ZNF175: variants seen among roughly 807,000 people sequenced by gnomAD.
The protein encoded by ZNF175 is zinc finger protein OTK18.
Under a neutral mutation model 14.0 loss-of-function variants are expected in ZNF175, and 8 were observed. That is an observed-to-expected ratio of 0.57 (90% CI 0.34 to 1.03). ZNF175 has a LOEUF of 1.03. ZNF175 is among the 50% of genes least tolerant of loss of function. The pLI is 0.03. For synonymous variants in ZNF175, 255 were observed against 296.8 expected, an observed-to-expected ratio of 0.86 and a Z score of 1.45; for missense variants, 764 against 849.5, an observed-to-expected ratio of 0.90 and a Z score of 1.25.
At chr19:51,579,236 G>C (rs1981914011) in intron 2 of ZNF175, among the ~76,000 whole-genome samples, 1 of 118,104 alleles carries the variant, frequency 8.5e-6, no homozygotes, top group Non-Finnish European at 1.6e-5. Flanking sequence ...CTTAGTGACA[G>C]AGTAGACTCC....
At chr19:51,579,896 C>G (rs1045222983) in intron 2 of ZNF175, among the ~76,000 whole-genome samples, 1 of 152,000 alleles carries the variant, frequency 6.6e-6, no homozygotes, top group Non-Finnish European at 1.5e-5. Flanking sequence ...AAAATATATG[C>G]TGACTTCTGA....
rs1982206582 is a variant in ZNF175 at position 51,587,467 on chromosome 19, T to C, written c.1136T>C (p.Phe379Ser). The change falls in exon 5 of 5, where the codon TTC becomes TCC. Residue 379 changes from phenylalanine (F) to serine (S), a missense_variant. Coordinates refer to ENST00000262259, the MANE Select transcript of ZNF175 (RefSeq NM_007147.4). ...GKAFFQMLSL[F>S]RHQRTHSREK... ...GCCTTTTTCCAGATGTTATCTCTCT[T>C]CAGACATCAGAGAACTCACAGTAGA... 1.2e-6 allele frequency: 2 copies of C among 1,614,192 alleles called. No homozygotes were observed. The highest frequency in any genetic ancestry group is 1.7e-6 in the Non-Finnish European group (2 of 1,180,028).
rs369470286 is a variant in ZNF175, at chr19:51,576,152, G to GTT, written c.72+2765_72+2766dup. On this transcript the variant is annotated intron_variant, in intron 2 of 4. Transcript: ENST00000262259. ...TATTTCAGGGACAGTTTTTTTTTTTGTTTTTTTTTTTTTTTGAGACAGAGT... is the reference window on the plus strand; with the variant it reads ...TATTTCAGGGACAGTTTTTTTTTTTGTTTTTTTTTTTTTTTTTGAGACAGAGT... 6.2e-3 allele frequency among the ~76,000 whole-genome samples: 812 copies of GTT among 130,960 alleles called. 8 individuals are homozygous for GTT. The highest frequency in any genetic ancestry group is 0.025 in the Middle Eastern group (6 of 242). The allele number at this position is 130,960 out of a possible 152,430, so 85.9% of individuals were successfully genotyped here.
intron 2 of ZNF175, among the ~76,000 whole-genome samples, chr19:51,576,241 C>G (rs565275065): frequency 1.3e-5 from 2 of 151,508 alleles, no homozygotes; most frequent in South Asian, 2.1e-4. Context: ...ACCTCTCCTC[C>G]TGGGTTCAAG....
At chr19:51,575,774 C>T (rs868650610) in intron 2 of ZNF175, among the ~76,000 whole-genome samples, 4 of 152,100 alleles carry the variant, frequency 2.6e-5, no homozygotes, top group Non-Finnish European at 5.9e-5. Context: ...TTAATTAACA[C>T]GTTAATTAAT....
chr19:51,573,028 G>C lies in ZNF175; in HGVS notation c.-180-122G>C, dbSNP rs891084092. 8 of 365,614 alleles carry C rather than the reference G, an allele frequency of 2.2e-5. No individual in the cohort carries two copies. The South Asian group carries it at 3.9e-4, about 18-fold the overall frequency. The allele number at this position is 365,614 out of a possible 1,614,324, so 22.6% of individuals were successfully genotyped here. A position where few individuals can be genotyped will look rare whatever the true frequency, so the allele number is the denominator to read the frequency against. On this transcript the variant is annotated intron_variant, in intron 1 of 4. Transcript: ENST00000262259. ...TTTTTAACCCTGACTAATAACTAGA[G>C]TTGGGCTTTCTGAACTTTGTCTACT...
At position 51,588,010 on chromosome 19, in the gene ZNF175, A is replaced by G; in HGVS notation, c.1679A>G (p.Lys560Arg). The G allele has an allele frequency of 6.2e-7, 1 of 1,613,500 alleles. No homozygotes were observed. The highest frequency in any genetic ancestry group is 8.5e-7 in the Non-Finnish European group (1 of 1,179,812). The change falls in exon 5 of 5, where the codon AAA (lysine) becomes AGA (arginine). Residue 560 changes from lysine to arginine, a missense_variant. Transcript: ENST00000262259. ...ATTCACACCGGAGAGAAGCCTTACAAATGCAGTGAATGTGGGAAAGCCTTC... is the reference window on the plus strand; with the variant it reads ...ATTCACACCGGAGAGAAGCCTTACAGATGCAGTGAATGTGGGAAAGCCTTC... ...QRIHTGEKPY[K>R]CSECGKAFTS...
chr19:51,572,084 G>A (rs1309676192), intron 1 of ZNF175, among the ~76,000 whole-genome samples: 2 of 152,184 alleles, frequency 1.3e-5, no homozygotes, highest in Admixed American at 1.3e-4. Flanking sequence ...ATTGACAGTT[G>A]AGCACATCGA....
rs555268032 is a variant in ZNF175, at chr19:51,571,320, A to G, written c.-336A>G. 13 of 150,316 alleles carry G rather than the reference A, an allele frequency of 8.6e-5. No homozygotes were observed. The highest frequency in any genetic ancestry group is 6.0e-4 in the East Asian group (3 of 4,998). 9.3% of individuals were successfully genotyped at this position (150,316 alleles called of 1,614,324 possible). On this transcript the variant is annotated 5_prime_UTR_variant, in exon 1 of 5. It removes an upstream start codon present in the reference 5' UTR. Transcript: ENST00000262259. ...TCTGTTGTTAAGTGGATCTAAGCCTATGTCGCTTACTGGACGCTGAAGTGA... is the reference window on the plus strand; with the variant it reads ...TCTGTTGTTAAGTGGATCTAAGCCTGTGTCGCTTACTGGACGCTGAAGTGA...
intron 2 of ZNF175, among the ~76,000 whole-genome samples, chr19:51,575,667 C>T (rs1981754998): frequency 6.6e-6 from 1 of 152,114 alleles, no homozygotes; most frequent in Non-Finnish European, 1.5e-5. Context: ...AGTTCCAGCT[C>T]CTCCCAGGCA....
intron 2 of ZNF175, among the ~76,000 whole-genome samples, chr19:51,577,744 A>T (rs551092644): frequency 1.3e-5 from 2 of 149,840 alleles, no homozygotes; most frequent in South Asian, 2.1e-4. Context: ...GCTCACTGCA[A>T]GCTCCGCCTC....
chr19:51,591,789 T>G lies in ZNF175; in HGVS notation c.*3322T>G, dbSNP rs4801878. ...CCTTTTTTTTTTTTTTCTTGTGAGATGGAGTCTCGCTCTGTCGCCCAGGCT... is the reference window on the plus strand; with the variant it reads ...CCTTTTTTTTTTTTTTCTTGTGAGAGGGAGTCTCGCTCTGTCGCCCAGGCT... On this transcript the variant is annotated 3_prime_UTR_variant, in exon 5 of 5. Transcript: ENST00000262259. 1.4e-5 allele frequency: 2 copies of G among 145,682 alleles called. No individual in the cohort carries two copies. The highest frequency in any genetic ancestry group is 5.2e-5 in the African/African-American group (2 of 38,694). The allele number at this position is 145,682 out of a possible 1,614,324, so 9.0% of individuals were successfully genotyped here.
chr19:51,572,369 G>A (rs6509552), intron 1 of ZNF175, among the ~76,000 whole-genome samples: 107,011 of 152,034 alleles, frequency 0.7, 38,392 homozygotes, highest in Non-Finnish European at 0.75. Context: ...GGCAAGAAAT[G>A]GTAACTGGAG....
chr19:51,578,258 G>C (rs1371191283), intron 2 of ZNF175, among the ~76,000 whole-genome samples: 4 of 151,898 alleles, frequency 2.6e-5, no homozygotes, highest in African/African-American at 9.7e-5. Context: ...AAATTAGCCA[G>C]GCATGGTGGC....
chr19:51,584,620 G>C (rs1255982371), intron 4 of ZNF175, among the ~76,000 whole-genome samples: 1 of 152,140 alleles, frequency 6.6e-6, no homozygotes, highest in East Asian at 1.9e-4. Context: ...GGGTAAAATT[G>C]CTATTTAAGA....
Position 51,587,589 on chromosome 19 carries a change from G to A in ZNF175, c.1258G>A (p.Ala420Thr). 1 of 1,614,150 alleles carries A rather than the reference G, an allele frequency of 6.2e-7. No individual in the cohort carries two copies. The highest frequency in any genetic ancestry group is 8.5e-7 in the Non-Finnish European group (1 of 1,180,026). Reference protein sequence around the residue: ...QKIHTGERQYACSECGKAFTQ... With the variant: ...QKIHTGERQYTCSECGKAFTQ... Reference sequence around the variant, plus strand: ...AATTCATACTGGTGAGAGACAGTATGCATGCAGTGAATGTGGGAAAGCCTT... The same window carrying A: ...AATTCATACTGGTGAGAGACAGTATACATGCAGTGAATGTGGGAAAGCCTT... The change falls in exon 5 of 5, where the codon GCA becomes ACA. Residue 420 changes from alanine (A) to threonine (T), a missense_variant. By Grantham distance (58) the Ala-to-Thr change is moderately conservative (BLOSUM62 0). Transcript: ENST00000262259.
In ZNF175 at chr19:51,574,372, G is replaced by A. The variant is rs117035230; in HGVS notation, c.72+971G>A. On this transcript the variant is annotated intron_variant, in intron 2 of 4. Transcript: ENST00000262259. ...TAAATACCCCAAATATTTAAAAGTCGTTCTTAAAAGAAAAATTGAAACATA... is the reference window on the plus strand; with the variant it reads ...TAAATACCCCAAATATTTAAAAGTCATTCTTAAAAGAAAAATTGAAACATA... Among the ~76,000 whole-genome samples, 590 of 152,222 alleles carry A rather than the reference G, an allele frequency of 3.9e-3. 3 individuals are homozygous for A. Among genetic ancestry groups the A allele is most frequent in the Non-Finnish European group, 7.3e-3 (496 of 68,018 alleles).
intron 2 of ZNF175, among the ~76,000 whole-genome samples, chr19:51,577,275 C>G (rs1015587021): frequency 2.6e-4 from 39 of 152,152 alleles, no homozygotes; most frequent in African/African-American, 8.4e-4. Flanking sequence ...CTAAAACACC[C>G]CATATACTAC....
chr19:51,572,481 A>T (rs1218320267), intron 1 of ZNF175, among the ~76,000 whole-genome samples: 1 of 152,180 alleles, frequency 6.6e-6, no homozygotes, highest in African/African-American at 2.4e-5. Context: ...TGTGTGGTGT[A>T]TTATGGACGG....
Sources: gnomAD v4.1 joint callset for allele counts (sites outside exome capture counted in the v4.1 genomes callset) on GRCh38, gnomAD v4.1.1 for gene constraint, MANE v1.5 for transcripts, NCBI Gene and HGNC (gene_info 2026-07-23, HGNC 2026-07-21) for gene names.